Variants in ARHGEF7 observed in about 807,000 individuals in gnomAD.
ARHGEF7 encodes the protein Rho guanine nucleotide exchange factor 7.
In ARHGEF7, 33 loss-of-function variants were observed where a neutral mutation model predicts 109.8. The observed-to-expected ratio is 0.30, with a 90% CI of 0.23 to 0.40. The LOEUF (loss-of-function observed/expected upper bound fraction) is 0.40. Among genes scored for constraint, ARHGEF7 ranks in the 10% least tolerant of loss-of-function variants. ARHGEF7 has a pLI of 1.00. For synonymous variants in ARHGEF7, 458 were observed against 424.6 expected (o/e 1.08, Z -0.97); for missense variants, 938 against 1,098.5 (o/e 0.85, Z 2.07).
At chr13:111,269,146 A>G (rs1475922349) in intron 9 of ARHGEF7, among the ~76,000 whole-genome samples, 2 of 152,132 alleles carry the variant, frequency 1.3e-5, no homozygotes, top group Non-Finnish European at 2.9e-5. Context: ...GTTATGTGCT[A>G]TGCCCCTACC....
intron 1 of ARHGEF7, among the ~76,000 whole-genome samples, chr13:111,149,033 C>T (rs1453866308): frequency 1.3e-5 from 2 of 152,034 alleles, no homozygotes; most frequent in Non-Finnish European, 2.9e-5. Flanking sequence ...CGATGCTGGG[C>T]CATACCTCAC....
rs1006263533 is a variant in ARHGEF7 at position 111,305,187 on chromosome 13, C to G, written c.*2074C>G. The G allele has an allele frequency of 2.0e-5, 3 of 152,212 alleles. No individual in the cohort carries two copies. The highest frequency in any genetic ancestry group is 4.4e-5 in the Non-Finnish European group (3 of 68,048). 9.4% of individuals were successfully genotyped at this position (152,212 alleles called of 1,614,324 possible). A position where few individuals can be genotyped will look rare whatever the true frequency, so the allele number is the denominator to read the frequency against. ...ATGAGGGCCTCATGTTACGGCATTGCCTTTTCTTTCTGTGGATCCAGTATC... is the reference window on the plus strand; with the variant it reads ...ATGAGGGCCTCATGTTACGGCATTGGCTTTTCTTTCTGTGGATCCAGTATC... On this transcript the variant is annotated 3_prime_UTR_variant, in exon 22 of 22. Coordinates refer to ENST00000646102, the MANE Select transcript of ARHGEF7 (RefSeq NM_001354046.2).
intron 1 of ARHGEF7, among the ~76,000 whole-genome samples, chr13:111,126,576 T>C (rs1177788139): frequency 6.6e-6 from 1 of 152,046 alleles, no homozygotes; most frequent in Non-Finnish European, 1.5e-5. Flanking sequence ...GAAAGTGCCC[T>C]AGAAGCCATA....
intron 6 of ARHGEF7, among the ~76,000 whole-genome samples, chr13:111,236,388 T>C (rs1449114436): frequency 6.6e-6 from 1 of 152,172 alleles, no homozygotes; most frequent in Non-Finnish European, 1.5e-5. Context: ...GGTCACACTT[T>C]CTTGCATGTC....
chr13:111,188,978 C>T (rs1308925101), intron 2 of ARHGEF7, among the ~76,000 whole-genome samples: 1 of 152,170 alleles, frequency 6.6e-6, no homozygotes, highest in African/African-American at 2.4e-5. Context: ...TTTTGCACCC[C>T]CAAAGGTTTA....
At position 111,153,676 on chromosome 13, in the gene ARHGEF7, G is replaced by T. The variant is rs1364706407; in HGVS notation, c.166-229G>T. The stretch of plus-strand genomic sequence containing the variant: ...CCGGCGCCGGGGCTCACTTCCTGGT[G>T]CGGGAAGGGGCAGAGATTGGTGCAG... On this transcript the variant is annotated intron_variant, in intron 1 of 21. Transcript: ENST00000646102. 2.4e-6 allele frequency: 3 copies of T among 1,244,248 alleles called. No individual in the cohort carries two copies. The African/African-American group carries it at 4.8e-5, about 20-fold the overall frequency. 77.1% of individuals were successfully genotyped at this position (1,244,248 alleles called of 1,614,324 possible). A position where few individuals can be genotyped will look rare whatever the true frequency, so the allele number is the denominator to read the frequency against.
chr13:111,302,581 G>A (rs1444275419), intron 21 of ARHGEF7, among the ~76,000 whole-genome samples: 2 of 152,204 alleles, frequency 1.3e-5, no homozygotes, highest in African/African-American at 4.8e-5. Context: ...CAGCTGCACA[G>A]AGCAGGTGCT....
At chr13:111,276,476 A>C (rs1216362128) in intron 12 of ARHGEF7, among the ~76,000 whole-genome samples, 6 of 152,234 alleles carry the variant, frequency 3.9e-5, no homozygotes, top group Non-Finnish European at 5.9e-5. Context: ...TCTTTTCAGA[A>C]GAAGTTTCTT....
chr13:111,299,633 C>T (rs1002429355), intron 19 of ARHGEF7, among the ~76,000 whole-genome samples: 4 of 152,216 alleles, frequency 2.6e-5, no homozygotes, highest in Admixed American at 2.6e-4. Flanking sequence ...TGAGCCACGG[C>T]ACCCGGCTGA....
At chr13:111,222,817 A>G (rs1430040129) in intron 5 of ARHGEF7, among the ~76,000 whole-genome samples, 1 of 152,262 alleles carries the variant, frequency 6.6e-6, no homozygotes, top group Non-Finnish European at 1.5e-5. Flanking sequence ...ATAAAACTCT[A>G]GGATCACAAT....
chr13:111,215,871 C>A (rs769491452), intron 4 of ARHGEF7, among the ~76,000 whole-genome samples: 48 of 152,158 alleles, frequency 3.2e-4, no homozygotes, highest in Non-Finnish European at 5.7e-4. Context: ...CTCCCCCTGA[C>A]TGTGTAGATC....
chr13:111,265,928 C>G (rs1034099636), intron 8 of ARHGEF7, among the ~76,000 whole-genome samples: 4 of 152,176 alleles, frequency 2.6e-5, no homozygotes, highest in African/African-American at 4.8e-5. Context: ...GTGTTCTGTT[C>G]CCAGCAGGGG....
chr13:111,207,713 C>T (rs1594732253), intron 3 of ARHGEF7, among the ~76,000 whole-genome samples: 1 of 152,254 alleles, frequency 6.6e-6, no homozygotes, highest in South Asian at 2.1e-4. Context: ...TTTGTACACT[C>T]AGTCTTGGGA....
chr13:111,155,237 T>G (rs74515889), intron 2 of ARHGEF7, among the ~76,000 whole-genome samples: 1 of 152,234 alleles, frequency 6.6e-6, no homozygotes, highest in Non-Finnish European at 1.5e-5. Context: ...GAACCTGTTA[T>G]GTAGGATAAC....
chr13:111,290,988 T>C (rs367815722), intron 18 of ARHGEF7, among the ~76,000 whole-genome samples: 14 of 152,260 alleles, frequency 9.2e-5, no homozygotes, highest in African/African-American at 2.4e-4. Context: ...TGCAGCTCTG[T>C]TCAATACACA....
chr13:111,184,700 T>C lies in ARHGEF7; in HGVS notation c.253-20589T>C, dbSNP rs565418154. Among the ~76,000 whole-genome samples, 3 of 152,330 alleles carry C rather than the reference T, an allele frequency of 2.0e-5. No individual in the cohort carries two copies. In the East Asian group the frequency reaches 5.8e-4, roughly 29 times the overall value. On this transcript the variant is annotated intron_variant, in intron 2 of 21. Coordinates refer to ENST00000646102, the MANE Select transcript of ARHGEF7 (RefSeq NM_001354046.2). ...GGTCAGTTCTCTTTGTGCTATGCTG[T>C]TATTTCCTATCAGGTGTGGCCTTGA...
rs1326373930 is a variant in ARHGEF7, at chr13:111,115,449, C to A, written c.-78C>A. Reference sequence around the variant, plus strand: ...TCGATGGGCGAGGCGGCGGCGGCGGCGGCGGGGGCCGCGGGCCGGGCCGCC... The same window carrying A: ...TCGATGGGCGAGGCGGCGGCGGCGGAGGCGGGGGCCGCGGGCCGGGCCGCC... On this transcript the variant is annotated 5_prime_UTR_variant, in exon 1 of 22. Coordinates refer to ENST00000646102, the MANE Select transcript of ARHGEF7 (RefSeq NM_001354046.2). 2.1e-5 allele frequency: 21 copies of A among 977,122 alleles called. No homozygotes were observed. The highest frequency in any genetic ancestry group is 2.3e-5 in the Non-Finnish European group (19 of 823,484). The allele number at this position is 977,122 out of a possible 1,614,324, so 60.5% of individuals were successfully genotyped here.
Position 111,283,124 on chromosome 13 carries a change from CTG to C in ARHGEF7, c.1726-12_1726-11del. The C allele has an allele frequency of 6.4e-7, 1 of 1,571,374 alleles. No individual in the cohort carries two copies. The highest frequency in any genetic ancestry group is 8.6e-7 in the Non-Finnish European group (1 of 1,157,732). On this transcript the variant is annotated splice_polypyrimidine_tract_variant and intron_variant, in intron 15 of 21. Transcript: ENST00000646102. ...TCTCATGTTCTCTGCCCTTCCCGCTCTGTGCCCTTGGCAGCTCCCCTCCCACC... is the reference window on the plus strand; with the variant it reads ...TCTCATGTTCTCTGCCCTTCCCGCTCTGCCCTTGGCAGCTCCCCTCCCACC...
chr13:111,115,490 C>A lies in ARHGEF7; in HGVS notation c.-37C>A. 8.4e-7 allele frequency: 1 copy of A among 1,193,212 alleles called. No homozygotes were observed. 73.9% of individuals were successfully genotyped at this position (1,193,212 alleles called of 1,614,324 possible). A position where few individuals can be genotyped will look rare whatever the true frequency, so the allele number is the denominator to read the frequency against. On this transcript the variant is annotated 5_prime_UTR_variant, in exon 1 of 22. Coordinates refer to ENST00000646102, the MANE Select transcript of ARHGEF7 (RefSeq NM_001354046.2). ...CCGGGCCGCCGCTCCGAGGTGAAGG[C>A]GCGCGCCCCTCCCCGCCTGCCTCCC...
Sources: gnomAD v4.1 joint callset for allele counts (sites outside exome capture counted in the v4.1 genomes callset) on GRCh38, gnomAD v4.1.1 for gene constraint, MANE v1.5 for transcripts, NCBI Gene and HGNC (gene_info 2026-07-23, HGNC 2026-07-21) for gene names.